Variants in CADM2 observed in about 807,000 individuals in gnomAD.
The protein encoded by CADM2 is immunoglobulin superfamily member 4D.
CADM2 carries 12 observed loss-of-function variants against 49.8 expected under a neutral mutation model. The observed-to-expected ratio is 0.24, with a 90% CI of 0.15 to 0.39. CADM2 has a LOEUF of 0.39. Among genes scored for constraint, CADM2 ranks in the 10% least tolerant of loss-of-function variants. The pLI, the probability that CADM2 is intolerant of heterozygous loss-of-function variation, is 1.00. For missense variants in CADM2, 378 were observed against 492.3 expected, an observed-to-expected ratio of 0.77 and a Z score of 2.20; for synonymous variants, 214 against 175.4, an observed-to-expected ratio of 1.22 and a Z score of -1.74.
chr3:85,296,477 C>T (rs2106963728), intron 1 of CADM2, among the ~76,000 whole-genome samples: 1 of 151,656 alleles, frequency 6.6e-6, no homozygotes, highest in East Asian at 1.9e-4. Context: ...TATTGATATT[C>T]TGTACTTGTA....
At chr3:85,430,774 G>C (rs2036626749) in intron 1 of CADM2, among the ~76,000 whole-genome samples, 2 of 152,044 alleles carry the variant, frequency 1.3e-5, no homozygotes, top group Non-Finnish European at 2.9e-5. Flanking sequence ...TATACTTGTT[G>C]TTGTACTTTT....
At chr3:85,422,288 C>G (rs972888962) in intron 1 of CADM2, among the ~76,000 whole-genome samples, 5 of 151,978 alleles carry the variant, frequency 3.3e-5, no homozygotes, top group Non-Finnish European at 7.4e-5. Context: ...AATGCAGCAG[C>G]CTTTTTTTTT....
chr3:85,584,644 T>C (rs1044253488), intron 1 of CADM2, among the ~76,000 whole-genome samples: 1 of 152,046 alleles, frequency 6.6e-6, no homozygotes, highest in African/African-American at 2.4e-5. Context: ...ATGGCCAAAA[T>C]TGACTTGAAA....
intron 1 of CADM2, among the ~76,000 whole-genome samples, chr3:85,580,616 T>A (rs1258400159): frequency 6.6e-6 from 1 of 152,102 alleles, no homozygotes; most frequent in Non-Finnish European, 1.5e-5. Flanking sequence ...CTGGTATAAT[T>A]GACCTAAATA....
intron 1 of CADM2, among the ~76,000 whole-genome samples, chr3:85,297,613 C>T (rs2043997965): frequency 6.6e-6 from 1 of 151,810 alleles, no homozygotes; most frequent in East Asian, 1.9e-4. Flanking sequence ...TTTCTTGGGC[C>T]TTGTCCTCAC....
intron 1 of CADM2, among the ~76,000 whole-genome samples, chr3:85,530,944 T>A (rs1487112961): frequency 1.3e-5 from 2 of 149,494 alleles, no homozygotes; most frequent in African/African-American, 2.5e-5. Flanking sequence ...GTCAGGGGGT[T>A]CCTTAATATT....
intron 1 of CADM2, among the ~76,000 whole-genome samples, chr3:84,968,787 A>G (rs1490923393): frequency 1.3e-5 from 2 of 152,082 alleles, no homozygotes; most frequent in Non-Finnish European, 2.9e-5. Context: ...TAGCCCATTA[A>G]CACATCTTGC....
At chr3:85,588,490 A>G (rs183210632) in intron 1 of CADM2, among the ~76,000 whole-genome samples, 27 of 152,202 alleles carry the variant, frequency 1.8e-4, no homozygotes, top group Non-Finnish European at 2.9e-4. Context: ...GTTGAATTTA[A>G]TAATGTATTC....
intron 1 of CADM2, among the ~76,000 whole-genome samples, chr3:85,026,389 A>G (rs892080302): frequency 3.3e-5 from 5 of 152,154 alleles, no homozygotes; most frequent in African/African-American, 1.2e-4. Flanking sequence ...TTTGCAACAT[A>G]TTTAAATGCC....
At chr3:84,997,828 G>A (rs1351358707) in intron 1 of CADM2, among the ~76,000 whole-genome samples, 1 of 152,166 alleles carries the variant, frequency 6.6e-6, no homozygotes, top group African/African-American at 2.4e-5. Flanking sequence ...AATAATCCAA[G>A]TATCCAAGCA....
At chr3:85,788,775 G>A (rs1452618028) in intron 2 of CADM2, among the ~76,000 whole-genome samples, 5 of 151,330 alleles carry the variant, frequency 3.3e-5, no homozygotes, top group South Asian at 2.1e-4. Context: ...AATCTTTATC[G>A]TATTTGGCTA....
At chr3:85,828,348 T>G (rs1022456296) in intron 3 of CADM2, among the ~76,000 whole-genome samples, 3 of 151,932 alleles carry the variant, frequency 2.0e-5, no homozygotes, top group Non-Finnish European at 4.4e-5. Context: ...CAAAAATAGA[T>G]TTTTAAAATA....
At chr3:85,652,820 C>T (rs1364904442) in intron 1 of CADM2, among the ~76,000 whole-genome samples, 1 of 101,108 alleles carries the variant, frequency 9.9e-6, no homozygotes, top group Non-Finnish European at 1.8e-5. Context: ...CTCTGTTGCC[C>T]AAGCTGGAGT....
At chr3:85,044,016 C>A (rs968226342) in intron 1 of CADM2, among the ~76,000 whole-genome samples, 1 of 152,048 alleles carries the variant, frequency 6.6e-6, no homozygotes, top group African/African-American at 2.4e-5. Context: ...AATGTGAACA[C>A]ACAGTGGTTC....
chr3:85,714,816 G>A (rs1423634997), intron 1 of CADM2, among the ~76,000 whole-genome samples: 1 of 151,904 alleles, frequency 6.6e-6, no homozygotes, highest in Non-Finnish European at 1.5e-5. Context: ...ATAAACCCTT[G>A]AGATCTGGGT....
intron 1 of CADM2, among the ~76,000 whole-genome samples, chr3:85,068,084 C>G (rs186315513): frequency 6.6e-6 from 1 of 152,242 alleles, no homozygotes; most frequent in Admixed American, 6.5e-5. Flanking sequence ...TTCTGTTTCT[C>G]TAGACACTAT....
In CADM2 at chr3:85,298,272, GT is replaced by G. The variant is rs1457706614; in HGVS notation, c.61+338606del. ...GCCTTGAACACAGAGAGAGCTGTCA[GT>G]TATTGTCAAAGGAGCAAAGGATGGA... On this transcript the variant is annotated intron_variant, in intron 1 of 9. Coordinates refer to ENST00000383699, the MANE Select transcript of CADM2 (RefSeq NM_001167675.2). Among the ~76,000 whole-genome samples, 3 of 152,150 alleles carry G rather than the reference GT, an allele frequency of 2.0e-5. No individual in the cohort carries two copies. The East Asian group carries it at 5.8e-4, about 29-fold the overall frequency.
At chr3:85,239,624 TTAAGA>T (rs1222997508) in intron 1 of CADM2, among the ~76,000 whole-genome samples, 1 of 151,608 alleles carries the variant, frequency 6.6e-6, no homozygotes, top group Non-Finnish European at 1.5e-5. Context: ...CATTCTATTC[TTAAGA>T]TTATATTAGA....
chr3:85,181,695 A>G (rs938301159), intron 1 of CADM2, among the ~76,000 whole-genome samples: 11 of 151,830 alleles, frequency 7.2e-5, no homozygotes, highest in African/African-American at 2.4e-4. Flanking sequence ...TATTTTTTCA[A>G]ATGTTCATAG....
Sources: gnomAD v4.1 joint callset for allele counts (sites outside exome capture counted in the v4.1 genomes callset) on GRCh38, gnomAD v4.1.1 for gene constraint, MANE v1.5 for transcripts, NCBI Gene and HGNC (gene_info 2026-07-23, HGNC 2026-07-21) for gene names.